Variants in GPM6B observed in about 807,000 individuals in gnomAD.
GPM6B encodes the protein glycoprotein M6B.
In GPM6B, 4 loss-of-function variants were observed where a neutral mutation model predicts 27.2. That is an observed-to-expected ratio of 0.15 (90% CI 0.07 to 0.34). GPM6B has a LOEUF of 0.34. Among genes scored for constraint, GPM6B ranks in the 10% least tolerant of loss-of-function variants. GPM6B has a pLI of 1.00. For missense variants in GPM6B, 183 were observed against 261.9 expected (o/e 0.70, Z 2.08); for synonymous variants, 124 against 103.1 (o/e 1.20, Z -1.23).
At chrX:13,779,658 A>G in intron 5 of GPM6B, among the ~76,000 whole-genome samples, 160 bp downstream of exon 5, 1 of 111,916 alleles carries the variant, frequency 8.9e-6, no homozygotes, top group East Asian at 2.8e-4. Context: ...GTTTCCACCC[A>G]GAAAATAGCA....
intron 2 of GPM6B, among the ~76,000 whole-genome samples, chrX:13,807,429 AAGG>A (rs1164025139): frequency 2.7e-5 from 3 of 112,287 alleles, no homozygotes; most frequent in African/African-American, 6.5e-5. Context: ...AAGAGGGAAG[AAGG>A]AGAAGAAAGT....
chrX:13,775,073 G>A (rs1004142936), intron 7 of GPM6B, among the ~76,000 whole-genome samples: 5 of 112,095 alleles, frequency 4.5e-5, no homozygotes, highest in African/African-American at 9.7e-5. Context: ...GAAAAACTGG[G>A]AATGAATAAT....
chrX:13,930,341 A>G (rs1200077703), intron 1 of GPM6B, among the ~76,000 whole-genome samples: 4 of 111,895 alleles, frequency 3.6e-5, no homozygotes, highest in East Asian at 2.8e-4. Flanking sequence ...GAGGCCGGGC[A>G]CGGTGGCTCA....
chrX:13,903,673 G>A (rs1486796303), intron 1 of GPM6B, among the ~76,000 whole-genome samples: 1 of 111,991 alleles, frequency 8.9e-6, no homozygotes, highest in Non-Finnish European at 1.9e-5. Context: ...CAAGAGAAGT[G>A]GTTCCTTCCA....
chrX:13,913,668 T>C (rs1001984266), intron 1 of GPM6B, among the ~76,000 whole-genome samples: 6 of 112,393 alleles, frequency 5.3e-5, no homozygotes, highest in African/African-American at 1.9e-4. Context: ...TGTTCGGTCT[T>C]AATTTTGGAG....
intron 1 of GPM6B, among the ~76,000 whole-genome samples, chrX:13,832,304 A>T (rs1225283669): frequency 4.5e-5 from 5 of 112,275 alleles, no homozygotes; most frequent in African/African-American, 1.3e-4. Context: ...CCAAAGACTG[A>T]AAACCATTAA....
chrX:13,773,226 A>AAGTT (rs1170183903), intron 7 of GPM6B, 196 bp from the exon 8 acceptor site: 4 of 321,701 alleles, frequency 1.2e-5, no homozygotes, highest in African/African-American at 2.6e-5. Flanking sequence ...GGCTGAAGAA[A>AAGTT]AGTTAGTATA....
intron 1 of GPM6B, among the ~76,000 whole-genome samples, chrX:13,870,149 T>C (rs1049705476): frequency 1.2e-4 from 14 of 112,193 alleles, no homozygotes; most frequent in African/African-American, 3.6e-4. Context: ...TCCTTTGCAA[T>C]GCATTGCATG....
chrX:13,921,477 A>C, intron 1 of GPM6B, among the ~76,000 whole-genome samples: 1 of 111,624 alleles, frequency 9.0e-6, no homozygotes, highest in Non-Finnish European at 1.9e-5. Flanking sequence ...TTTATTGAAG[A>C]GGAGATGTTA....
chrX:13,933,200 A>G (rs1208564196), intron 1 of GPM6B, among the ~76,000 whole-genome samples: 2 of 112,010 alleles, frequency 1.8e-5, no homozygotes, highest in African/African-American at 6.5e-5. Context: ...CAATCATTCC[A>G]ATGAACATTG....
At position 13,903,903 on chromosome X, in the gene GPM6B, G is replaced by A. The variant is rs1366060935; in HGVS notation, c.-198+34424C>T. On this transcript the variant is annotated intron_variant, in intron 1 of 6. Transcript: ENST00000398361. ...GGGAAAATGGGGTGGGGGCATCTCCGTAGAGCTAGAGATGACTGCCCCTCA... is the reference window on the plus strand; with the variant it reads ...GGGAAAATGGGGTGGGGGCATCTCCATAGAGCTAGAGATGACTGCCCCTCA... Among the ~76,000 whole-genome samples, 6 of 110,926 alleles carry A rather than the reference G, an allele frequency of 5.4e-5. No individual in the cohort carries two copies. The South Asian group carries it at 1.5e-3, about 29-fold the overall frequency.
chrX:13,837,725 G>A (rs772666950), intron 1 of GPM6B, among the ~76,000 whole-genome samples: 3 of 46,718 alleles, frequency 6.4e-5, no homozygotes, highest in African/African-American at 1.4e-4. Flanking sequence ...GGGGGGGGGG[G>A]GGGAAGCAGA....
At chrX:13,815,865 T>C (rs2049225170) in intron 1 of GPM6B, among the ~76,000 whole-genome samples, 1 of 112,115 alleles carries the variant, frequency 8.9e-6, no homozygotes, top group Admixed American at 9.4e-5. Flanking sequence ...ACTGGCGAAT[T>C]ACTCTTTAGT....
chrX:13,822,548 T>G (rs2049322924), intron 1 of GPM6B, among the ~76,000 whole-genome samples: 1 of 108,410 alleles, frequency 9.2e-6, no homozygotes, highest in Non-Finnish European at 1.9e-5. Context: ...TTTTTTTTTT[T>G]GTATTTTTAG....
intron 1 of GPM6B, among the ~76,000 whole-genome samples, chrX:13,929,852 TAGAA>T (rs1395808370): frequency 4.5e-5 from 5 of 111,824 alleles, no homozygotes; most frequent in Non-Finnish European, 7.5e-5. Context: ...AAACTATACT[TAGAA>T]AGGAAGAAAA....
At chrX:13,888,533 G>A (rs770731277) in intron 1 of GPM6B, among the ~76,000 whole-genome samples, 20 of 111,258 alleles carry the variant, frequency 1.8e-4, no homozygotes, top group Non-Finnish European at 3.0e-4. Context: ...CCAGGCTCTC[G>A]GCGAGGGCAA....
intron 1 of GPM6B, among the ~76,000 whole-genome samples, chrX:13,828,626 G>A (rs969406203): frequency 1.8e-5 from 2 of 111,828 alleles, no homozygotes; most frequent in African/African-American, 6.5e-5. Flanking sequence ...TTCCTTTCAA[G>A]TGGTTTGTTT....
intron 1 of GPM6B, among the ~76,000 whole-genome samples, chrX:13,885,005 T>C (rs1191778922): frequency 1.8e-5 from 2 of 111,752 alleles, no homozygotes; most frequent in South Asian, 3.8e-4. Flanking sequence ...AAAATAACAT[T>C]TGTTGGGCAT....
intron 1 of GPM6B, among the ~76,000 whole-genome samples, chrX:13,916,525 G>A (rs1037722055): frequency 2.7e-5 from 3 of 111,584 alleles, no homozygotes; most frequent in Non-Finnish European, 3.8e-5. Flanking sequence ...CAGTGGTTAA[G>A]GGCAGCCACA....
Sources: allele counts gnomAD v4.1 joint callset (sites outside exome capture counted in the v4.1 genomes callset), GRCh38; gene constraint gnomAD v4.1.1; transcripts MANE v1.5; gene names NCBI Gene and HGNC (gene_info 2026-07-23, HGNC 2026-07-21).